Variants in SDK1 observed in about 807,000 individuals in gnomAD.
SDK1 encodes the protein protein sidekick-1.
Under a neutral mutation model 245.5 loss-of-function variants are expected in SDK1, and 157 were observed. The ratio of observed to expected loss-of-function variants is 0.64; its 90% CI spans 0.56 to 0.73. SDK1 has a LOEUF of 0.73. Ranked by LOEUF, SDK1 falls within the 30% of genes least tolerant of loss-of-function variation. SDK1 has a pLI of 0.00. For synonymous variants in SDK1, 1,647 were observed against 1,278.5 expected, an observed-to-expected ratio of 1.29 and a Z score of -6.15; for missense variants, 3,583 against 3,002.3, an observed-to-expected ratio of 1.19 and a Z score of -4.52.
chr7:3,810,114 C>T (rs1388758979), intron 4 of SDK1, among the ~76,000 whole-genome samples: 1 of 152,182 alleles, frequency 6.6e-6, no homozygotes, highest in Admixed American at 6.5e-5. Flanking sequence ...TCAGAATTGA[C>T]TGCTGTTTGC....
intron 1 of SDK1, among the ~76,000 whole-genome samples, chr7:3,340,766 C>CAAAAAAA (rs56932562): frequency 8.0e-6 from 1 of 125,366 alleles, no homozygotes; most frequent in Non-Finnish European, 1.7e-5. Flanking sequence ...GACCCCGTCT[C>CAAAAAAA]AAAAAAAAAA....
rs569622631 is a variant in SDK1 at position 3,765,861 on chromosome 7, G to A, written c.714-55589G>A. Among the ~76,000 whole-genome samples the A allele has an allele frequency of 7.9e-5, 12 of 152,224 alleles. No individual in the cohort carries two copies. The East Asian group carries it at 2.3e-3, about 29-fold the overall frequency. On this transcript the variant is annotated intron_variant, in intron 4 of 44. Coordinates refer to ENST00000404826, the MANE Select transcript of SDK1 (RefSeq NM_152744.4). ...AAGGAGGCATTATTAAATATTAGCT[G>A]TTAAAAAGCAAGGGAATATTGAGTC...
chr7:4,224,320 G>A (rs1320663820), intron 40 of SDK1, among the ~76,000 whole-genome samples: 1 of 152,260 alleles, frequency 6.6e-6, no homozygotes, highest in Non-Finnish European at 1.5e-5. Context: ...GAGACCCCAG[G>A]AAGCTTCCAA....
intron 5 of SDK1, among the ~76,000 whole-genome samples, chr7:3,914,938 T>C (rs2128110308): frequency 6.6e-6 from 1 of 152,318 alleles, no homozygotes; most frequent in African/African-American, 2.4e-5. Flanking sequence ...AAGACTGAAC[T>C]CATTTTAGGT....
At chr7:3,594,691 G>C (rs2128636599) in intron 1 of SDK1, among the ~76,000 whole-genome samples, 1 of 152,226 alleles carries the variant, frequency 6.6e-6, no homozygotes, top group East Asian at 1.9e-4. Context: ...AATTTTCCCA[G>C]TGACTAATGA....
chr7:4,036,531 T>G (rs1562706997), intron 17 of SDK1, among the ~76,000 whole-genome samples: 1 of 152,226 alleles, frequency 6.6e-6, no homozygotes, highest in South Asian at 2.1e-4. Flanking sequence ...CGTAACATAG[T>G]TGAAATTTTG....
chr7:3,536,699 A>C (rs540900672), intron 1 of SDK1, among the ~76,000 whole-genome samples: 47 of 152,188 alleles, frequency 3.1e-4, no homozygotes, highest in South Asian at 4.2e-4. Context: ...GTCTCAAAAA[A>C]AAAAACAAAA....
At chr7:3,436,980 TA>T (rs1325881369) in intron 1 of SDK1, among the ~76,000 whole-genome samples, 6 of 152,104 alleles carry the variant, frequency 3.9e-5, no homozygotes, top group Non-Finnish European at 7.4e-5. Context: ...TTAGTCACAA[TA>T]AAAAAAATTT....
intron 5 of SDK1, among the ~76,000 whole-genome samples, chr7:3,862,181 C>T (rs1470983410): frequency 6.6e-6 from 1 of 152,236 alleles, no homozygotes; most frequent in African/African-American, 2.4e-5. Flanking sequence ...GACCAGTTCT[C>T]AGCAGTGGCT....
At chr7:4,060,332 C>G (rs1779457630) in intron 19 of SDK1, among the ~76,000 whole-genome samples, 1 of 152,026 alleles carries the variant, frequency 6.6e-6, no homozygotes, top group Admixed American at 6.6e-5. Context: ...CAAGGACAAA[C>G]CAAACCCAAA....
intron 40 of SDK1, among the ~76,000 whole-genome samples, chr7:4,222,866 T>G (rs1214027887): frequency 1.3e-5 from 2 of 152,042 alleles, no homozygotes; most frequent in African/African-American, 4.8e-5. Flanking sequence ...GCTAATGACT[T>G]TGATTCAAGA....
At chr7:3,892,922 C>T (rs1209205540) in intron 5 of SDK1, among the ~76,000 whole-genome samples, 1 of 152,232 alleles carries the variant, frequency 6.6e-6, no homozygotes. Context: ...TCGAGGATGC[C>T]GTTCTGATCT....
At chr7:4,076,642 C>T (rs924495923) in intron 20 of SDK1, among the ~76,000 whole-genome samples, 7 of 152,186 alleles carry the variant, frequency 4.6e-5, no homozygotes, top group Non-Finnish European at 1.0e-4. Context: ...AAGAGAAGGT[C>T]GAATTGAGCA....
At chr7:3,828,505 T>G (rs1051562435) in intron 5 of SDK1, among the ~76,000 whole-genome samples, 1 of 151,910 alleles carries the variant, frequency 6.6e-6, no homozygotes, top group African/African-American at 2.4e-5. Context: ...ATAAAACCTA[T>G]TCATCAAAAT....
intron 4 of SDK1, among the ~76,000 whole-genome samples, chr7:3,704,497 T>A (rs1420765466): frequency 6.6e-6 from 1 of 152,070 alleles, no homozygotes; most frequent in African/African-American, 2.4e-5. Context: ...TTTTGAGAAA[T>A]GTCTATTTAT....
chr7:3,390,922 A>C (rs1781733686), intron 1 of SDK1, among the ~76,000 whole-genome samples: 1 of 152,292 alleles, frequency 6.6e-6, no homozygotes, highest in South Asian at 2.1e-4. Context: ...TAAAAGTAAA[A>C]TAGTGGACTC....
At chr7:3,322,346 T>G (rs1423993249) in intron 1 of SDK1, among the ~76,000 whole-genome samples, 1 of 152,252 alleles carries the variant, frequency 6.6e-6, no homozygotes, top group East Asian at 1.9e-4. Flanking sequence ...TAATATTCCA[T>G]TGTATGTATG....
chr7:3,618,739 C>T (rs923420676), intron 1 of SDK1, among the ~76,000 whole-genome samples: 7 of 152,174 alleles, frequency 4.6e-5, no homozygotes, highest in East Asian at 1.9e-4. Context: ...ACTGTTTTCT[C>T]GCAAATAGAT....
At chr7:3,648,932 T>A (rs1248890976) in intron 4 of SDK1, among the ~76,000 whole-genome samples, 1 of 152,194 alleles carries the variant, frequency 6.6e-6, no homozygotes, top group Non-Finnish European at 1.5e-5. Context: ...TGCAATCCTT[T>A]CTGGTATTAA....
Sources: allele counts gnomAD v4.1 joint callset (sites outside exome capture counted in the v4.1 genomes callset), GRCh38; gene constraint gnomAD v4.1.1; transcripts MANE v1.5; gene names NCBI Gene and HGNC (gene_info 2026-07-23, HGNC 2026-07-21).